Variants in GATAD2A observed in about 807,000 individuals in gnomAD.
GATAD2A encodes GATA zinc finger domain containing 2A.
In GATAD2A, 12 loss-of-function variants were observed where a neutral mutation model predicts 68.5. The ratio of observed to expected loss-of-function variants is 0.18; its 90% CI spans 0.11 to 0.28. GATAD2A has a LOEUF of 0.28. Ranked by LOEUF, GATAD2A falls within the 10% of genes least tolerant of loss-of-function variation. The pLI is 1.00. For synonymous variants in GATAD2A, 410 were observed against 375.3 expected (o/e 1.09, Z -1.07); for missense variants, 755 against 868.5 (o/e 0.87, Z 1.64).
Position 19,492,844 on chromosome 19 carries a change from G to A in GATAD2A, c.534+132G>A, listed in dbSNP as rs554539384. On this transcript the variant is annotated intron_variant, in intron 4 of 11. Transcript: ENST00000683918. ...GAGTATAGGGCAAGGTCCCACTCCC[G>A]CATTTGTGGACTCCAGTGTGCATTT... is the stretch of plus-strand genomic sequence containing the variant. The A allele has an allele frequency of 1.3e-4, 99 of 771,736 alleles. 2 individuals carry two copies. The highest frequency in any genetic ancestry group is 1.1e-3 in the African/African-American group (63 of 57,186). The allele number at this position is 771,736 out of a possible 1,614,324, so 47.8% of individuals were successfully genotyped here.
At chr19:19,431,388 G>A (rs1167456928) in intron 1 of GATAD2A, among the ~76,000 whole-genome samples, 5 of 150,702 alleles carry the variant, frequency 3.3e-5, no homozygotes, top group African/African-American at 7.3e-5. Context: ...ATCCCTGCTC[G>A]TCCATTCAAT....
intron 2 of GATAD2A, among the ~76,000 whole-genome samples, chr19:19,479,533 T>C (rs983782740): frequency 2.6e-5 from 4 of 152,252 alleles, no homozygotes; most frequent in Non-Finnish European, 4.4e-5. Flanking sequence ...TTGTTTTGGG[T>C]TACCTTGTCA....
At chr19:19,405,183 G>A (rs930846006), upstream of GATAD2A, among the ~76,000 whole-genome samples, 9 of 152,118 alleles carry the variant, frequency 5.9e-5, no homozygotes, top group Non-Finnish European at 1.3e-4. Flanking sequence ...TTTCTTTGTA[G>A]AATTCTGTTC....
intron 2 of GATAD2A, among the ~76,000 whole-genome samples, chr19:19,490,726 C>G (rs902060501): frequency 1.5e-4 from 22 of 149,060 alleles, no homozygotes; most frequent in African/African-American, 5.2e-4. Flanking sequence ...TACAAAAATA[C>G]AAAAAAAAAA....
chr19:19,429,256 G>C lies in GATAD2A; in HGVS notation c.-7+23237G>C, dbSNP rs533746867. ...ATCGTGGTCCATGGTGAGGGGCTGG[G>C]GGGGAGAGCTTGCCTGAGTAACAGG... On this transcript the variant is annotated intron_variant, in intron 1 of 11. Transcript: ENST00000683918. The C allele has an allele frequency of 1.4e-4, 140 of 984,642 alleles. 1 individual carries two copies. The South Asian group carries it at 2.7e-3, about 19-fold the overall frequency. The allele number at this position is 984,642 out of a possible 1,614,324, so 61.0% of individuals were successfully genotyped here. A position where few individuals can be genotyped will look rare whatever the true frequency, so the allele number is the denominator to read the frequency against.
chr19:19,483,155 G>A (rs1379969909), intron 2 of GATAD2A, among the ~76,000 whole-genome samples: 1 of 152,192 alleles, frequency 6.6e-6, no homozygotes, highest in East Asian at 1.9e-4. Flanking sequence ...TGGGGACCTG[G>A]GACTGCTCCC....
At chr19:19,431,521 C>G (rs535126371) in intron 1 of GATAD2A, among the ~76,000 whole-genome samples, 1 of 150,856 alleles carries the variant, frequency 6.6e-6, no homozygotes, top group African/African-American at 2.4e-5. Context: ...TGGTGAAACC[C>G]CGTCTCTAAT....
At chr19:19,471,681 G>A (rs775495358) in intron 2 of GATAD2A, among the ~76,000 whole-genome samples, 2 of 152,194 alleles carry the variant, frequency 1.3e-5, no homozygotes, top group Non-Finnish European at 2.9e-5. Context: ...ACCTCAATAT[G>A]GATGTTAAAA....
At chr19:19,416,301 C>T (rs1568714933) in intron 1 of GATAD2A, among the ~76,000 whole-genome samples, 1 of 151,734 alleles carries the variant, frequency 6.6e-6, no homozygotes. Context: ...GCCAAGGATG[C>T]TGGATGAGAC....
chr19:19,398,237 C>T (rs985132019), intron 1 of GATAD2A, among the ~76,000 whole-genome samples: 1 of 150,024 alleles, frequency 6.7e-6, no homozygotes, highest in African/African-American at 2.5e-5. Flanking sequence ...GAGTCTCGCT[C>T]TTGTTGCCCA....
intron 1 of GATAD2A, among the ~76,000 whole-genome samples, chr19:19,425,155 C>G (rs535186379): frequency 6.6e-6 from 1 of 151,966 alleles, no homozygotes; most frequent in South Asian, 2.1e-4. Context: ...TGAACAAAAC[C>G]CAGCCACTGA....
chr19:19,471,737 C>T (rs1369764214), intron 2 of GATAD2A, among the ~76,000 whole-genome samples: 1 of 152,158 alleles, frequency 6.6e-6, no homozygotes, highest in Admixed American at 6.5e-5. Context: ...TCTGTTGTGG[C>T]ATCCATAAAT....
At chr19:19,418,649 G>A (rs920244667) in intron 1 of GATAD2A, among the ~76,000 whole-genome samples, 2 of 152,204 alleles carry the variant, frequency 1.3e-5, no homozygotes, top group African/African-American at 4.8e-5. Flanking sequence ...GACCCAGAGC[G>A]ATTAAGACAC....
intron 1 of GATAD2A, among the ~76,000 whole-genome samples, chr19:19,391,332 C>T (rs1011379032): frequency 1.3e-5 from 2 of 152,178 alleles, no homozygotes; most frequent in African/African-American, 2.4e-5. Context: ...TCTCTTCCTC[C>T]TTCCCTCCTT....
intron 2 of GATAD2A, among the ~76,000 whole-genome samples, chr19:19,470,755 A>C (rs1051866564): frequency 1.3e-4 from 20 of 151,506 alleles, no homozygotes; most frequent in African/African-American, 4.1e-4. Context: ...TAAAAAACAA[A>C]AAAAAAAGGA....
chr19:19,416,234 A>C (rs778608699), intron 1 of GATAD2A, among the ~76,000 whole-genome samples: 1 of 152,242 alleles, frequency 6.6e-6, no homozygotes, highest in Non-Finnish European at 1.5e-5. Flanking sequence ...CAGGTCCTGC[A>C]CTGGGCTCCA....
chr19:19,502,315 C>G lies in GATAD2A; in HGVS notation c.1579-16C>G, dbSNP rs749484714. The G allele has an allele frequency of 3.1e-6, 5 of 1,590,016 alleles. No homozygotes were observed. The highest frequency in any genetic ancestry group is 1.3e-5 in the African/African-American group (1 of 74,538). ...TTTTCCCTGCATGAGCCGTCACCCC[C>G]CTTTCTCCACTGCAGGCCTCCAGCC... On this transcript the variant is annotated splice_polypyrimidine_tract_variant and intron_variant, in intron 10 of 11. Transcript: ENST00000683918.
intron 1 of GATAD2A, among the ~76,000 whole-genome samples, chr19:19,439,919 T>C (rs1387605787): frequency 6.6e-6 from 1 of 152,184 alleles, no homozygotes; most frequent in Non-Finnish European, 1.5e-5. Flanking sequence ...GCAAATCCAC[T>C]TCTGGAAATG....
rs148738904 is a variant in GATAD2A, at chr19:19,428,499, C to T, written c.-7+22480C>T. Among the ~76,000 whole-genome samples, 719 of 152,290 alleles carry T rather than the reference C, an allele frequency of 4.7e-3. 4 individuals are homozygous for T. Among genetic ancestry groups the T allele is most frequent in the South Asian group, 0.041 (199 of 4,824 alleles). Reference sequence around the variant, plus strand: ...GTCTGGAGGCCTGAGGTAGGTTCCACGCAGGCAGGCAGGCTCCCCGGGAGG... The same window carrying T: ...GTCTGGAGGCCTGAGGTAGGTTCCATGCAGGCAGGCAGGCTCCCCGGGAGG... On this transcript the variant is annotated intron_variant, in intron 1 of 11. Transcript: ENST00000683918.
Sources: gnomAD v4.1 joint callset for allele counts (sites outside exome capture counted in the v4.1 genomes callset) on GRCh38, gnomAD v4.1.1 for gene constraint, MANE v1.5 for transcripts, NCBI Gene and HGNC (gene_info 2026-07-23, HGNC 2026-07-21) for gene names.